The following DOCK10 variants were observed in gnomAD, a reference collection of about 807,000 sequenced individuals.
DOCK10 encodes dedicator of cytokinesis 10, also known as dedicator of cytokinesis protein 10.
DOCK10 carries 145 observed loss-of-function variants against 280.1 expected under a neutral mutation model. The ratio of observed to expected loss-of-function variants is 0.52; its 90% CI spans 0.45 to 0.59. The LOEUF is 0.59. DOCK10 is among the 20% of genes least tolerant of loss of function. The probability of loss-of-function intolerance (pLI) is 0.00; values close to 1 mark genes in which losing one functional copy is unlikely to be tolerated. For synonymous variants in DOCK10, 915 were observed against 942.2 expected, an observed-to-expected ratio of 0.97 and a Z score of 0.53; for missense variants, 2,368 against 2,651.7, an observed-to-expected ratio of 0.89 and a Z score of 2.35.
chr2:224,864,951 C>T lies in DOCK10; in HGVS notation c.1394G>A (p.Gly465Asp). 6.2e-7 allele frequency: 1 copy of T among 1,613,866 alleles called. No homozygotes were observed. The highest frequency in any genetic ancestry group is 8.5e-7 in the Non-Finnish European group (1 of 1,179,868). The part of the protein sequence containing the change: ...LLGASVALEN[G>D]NIDTITPRQS... ...TCTTGGAGTGATGGTGTCGATGTTG[C>T]CATTTTCCAAAGCCACAGAAGCCCC... The change falls in exon 12 of 56, where the codon GGC becomes GAC. Residue 465 changes from glycine (G) to aspartate (D), a missense_variant. Coordinates refer to ENST00000258390, the MANE Select transcript of DOCK10 (RefSeq NM_014689.3).
chr2:225,013,885 A>C (rs1421173125), intron 1 of DOCK10, among the ~76,000 whole-genome samples: 1 of 152,088 alleles, frequency 6.6e-6, no homozygotes. Context: ...TGAGTGACAG[A>C]GAGAGAAGGA....
chr2:225,000,689 T>C (rs1159465428), intron 1 of DOCK10, among the ~76,000 whole-genome samples: 2 of 152,166 alleles, frequency 1.3e-5, no homozygotes, highest in African/African-American at 4.8e-5. Flanking sequence ...AGGCTACTAC[T>C]AGAAAGAAAA....
intron 47 of DOCK10, among the ~76,000 whole-genome samples, chr2:224,792,099 G>A (rs1412675032): frequency 1.3e-5 from 2 of 151,962 alleles, no homozygotes; most frequent in Non-Finnish European, 2.9e-5. Context: ...TGTGCAAAGA[G>A]TAACTCTTTA....
intron 47 of DOCK10, among the ~76,000 whole-genome samples, chr2:224,791,631 ATT>A (rs11399071): frequency 1.2e-4 from 17 of 139,182 alleles, no homozygotes; most frequent in Non-Finnish European, 1.2e-4. Flanking sequence ...CGCCCGGCTA[ATT>A]TTTTTTTTTT....
At chr2:224,848,444 T>C (rs1696508825) in intron 19 of DOCK10, among the ~76,000 whole-genome samples, 1 of 152,212 alleles carries the variant, frequency 6.6e-6, no homozygotes, top group Non-Finnish European at 1.5e-5. Context: ...TAATTGACCA[T>C]GAGCCCAATG....
intron 1 of DOCK10, among the ~76,000 whole-genome samples, chr2:225,008,187 T>C (rs1180597923): frequency 6.6e-6 from 1 of 152,200 alleles, no homozygotes; most frequent in Non-Finnish European, 1.5e-5. Flanking sequence ...TCTTTAGAGA[T>C]GAGGTCTTGC....
At chr2:224,941,539 A>G (rs1055367045) in intron 1 of DOCK10, among the ~76,000 whole-genome samples, 4 of 152,248 alleles carry the variant, frequency 2.6e-5, no homozygotes, top group South Asian at 2.1e-4. Context: ...GCGAAAGAGG[A>G]CCAGGCCGGG....
intron 26 of DOCK10, 56 bp downstream of exon 26, chr2:224,834,094 G>C: frequency 9.9e-7 from 1 of 1,013,754 alleles, no homozygotes; most frequent in Non-Finnish European, 1.5e-6. Context: ...TTTTCCAGGA[G>C]TAAGCGTGAC....
intron 7 of DOCK10, among the ~76,000 whole-genome samples, chr2:224,879,841 TG>T (rs751024675): frequency 1.3e-4 from 20 of 152,166 alleles, no homozygotes; most frequent in Non-Finnish European, 2.8e-4. Flanking sequence ...GCACAACTTT[TG>T]CAAGGACATT....
chr2:224,998,748 CA>C (rs1174626529), intron 1 of DOCK10, among the ~76,000 whole-genome samples: 1 of 152,124 alleles, frequency 6.6e-6, no homozygotes, highest in South Asian at 2.1e-4. Flanking sequence ...ACTCTTAACC[CA>C]GGGGGATTGA....
rs189445847 is a variant in DOCK10, at chr2:225,028,918, A to G, written c.123+13334T>C. ...AGGCGTGTGTGCCCAGGTTAAGCGA[A>G]TGTGTACTATTTAAACATCTTTAAA... On this transcript the variant is annotated intron_variant, in intron 1 of 55. Transcript: ENST00000258390. Among the ~76,000 whole-genome samples, 291 of 152,354 alleles carry G rather than the reference A, an allele frequency of 1.9e-3. 1 individual carries two copies. Among genetic ancestry groups the G allele is most frequent in the African/African-American group, 6.4e-3 (264 of 41,570 alleles).
intron 2 of DOCK10, among the ~76,000 whole-genome samples, chr2:224,921,105 A>T (rs1701686705): frequency 4.7e-5 from 3 of 63,446 alleles, no homozygotes; most frequent in African/African-American, 1.9e-4. Context: ...AAAAAAAAAA[A>T]AAAAAAAATA....
At chr2:224,941,582 G>A (rs934734854) in intron 1 of DOCK10, among the ~76,000 whole-genome samples, 3 of 152,070 alleles carry the variant, frequency 2.0e-5, no homozygotes, top group African/African-American at 7.2e-5. Flanking sequence ...GGTAGCTCAC[G>A]TCTGTAATCC....
At chr2:224,832,459 G>A (rs546507286) in intron 26 of DOCK10, among the ~76,000 whole-genome samples, 1 of 152,232 alleles carries the variant, frequency 6.6e-6, no homozygotes, top group South Asian at 2.1e-4. Context: ...ACAATGCTGC[G>A]ATAAACTTTT....
At chr2:224,855,613 C>G (rs1209127939) in intron 15 of DOCK10, among the ~76,000 whole-genome samples, 2 of 152,158 alleles carry the variant, frequency 1.3e-5, no homozygotes, top group East Asian at 3.8e-4. Flanking sequence ...CACATGCACT[C>G]CCCGGCTCAA....
intron 1 of DOCK10, among the ~76,000 whole-genome samples, chr2:224,942,412 T>C (rs924285418): frequency 6.6e-6 from 1 of 152,254 alleles, no homozygotes; most frequent in African/African-American, 2.4e-5. Context: ...CCAACATTCA[T>C]TCCTGCTTTC....
chr2:224,851,443 C>A (rs1210174519), intron 18 of DOCK10, among the ~76,000 whole-genome samples: 1 of 134,338 alleles, frequency 7.4e-6, no homozygotes, highest in African/African-American at 3.1e-5. Context: ...TGGCTCAAGA[C>A]CTTCTTTTTT....
At position 224,811,345 on chromosome 2, in the gene DOCK10, T is replaced by C. The variant is rs572725565; in HGVS notation, c.3409+2975A>G. Among the ~76,000 whole-genome samples the C allele has an allele frequency of 7.6e-3, 1,159 of 152,366 alleles. 12 individuals are homozygous for C. Among genetic ancestry groups the C allele is most frequent in the African/African-American group, 0.027 (1,120 of 41,586 alleles). On this transcript the variant is annotated intron_variant, in intron 31 of 55. Transcript: ENST00000258390. ...TTTGATGGGGTTGTTTGTTTTTTTCTTGTAAATTTGTTTGAGTTCATTGTA... is the reference window on the plus strand; with the variant it reads ...TTTGATGGGGTTGTTTGTTTTTTTCCTGTAAATTTGTTTGAGTTCATTGTA...
At chr2:224,876,740 T>G (rs970247537) in intron 7 of DOCK10, among the ~76,000 whole-genome samples, 4 of 152,298 alleles carry the variant, frequency 2.6e-5, no homozygotes, top group East Asian at 1.9e-4. Flanking sequence ...CTCACCTTCC[T>G]TCAGTTGCCA....
Sources: allele counts gnomAD v4.1 joint callset (sites outside exome capture counted in the v4.1 genomes callset), GRCh38; gene constraint gnomAD v4.1.1; transcripts MANE v1.5; gene names NCBI Gene and HGNC (gene_info 2026-07-23, HGNC 2026-07-21).